Variants in ELAVL2 observed in about 807,000 individuals in gnomAD.
The protein encoded by ELAVL2 is ELAV like RNA binding protein 2, also known as ELAV-like protein 2.
In ELAVL2, 4 loss-of-function variants were observed where a neutral mutation model predicts 34.6. The observed-to-expected ratio is 0.12, with a 90% CI of 0.06 to 0.26. The LOEUF (loss-of-function observed/expected upper bound fraction) is 0.26, where lower values mean the gene tolerates loss of function less well. Ranked by LOEUF, ELAVL2 falls within the 10% of genes least tolerant of loss-of-function variation. The probability of loss-of-function intolerance (pLI) is 1.00; values close to 1 mark genes in which losing one functional copy is unlikely to be tolerated. For missense variants in ELAVL2, 432 were observed against 442.8 expected (o/e 0.98, Z 0.22); for synonymous variants, 193 against 154.8 (o/e 1.25, Z -1.83).
At chr9:23,817,946 C>T (rs947479032) in intron 1 of ELAVL2, among the ~76,000 whole-genome samples, 26 of 152,204 alleles carry the variant, frequency 1.7e-4, no homozygotes, top group African/African-American at 6.3e-4. Context: ...TCTGTTTCCA[C>T]TTGGCAAATT....
At chr9:23,730,809 GCT>G (rs1192544115) in intron 3 of ELAVL2, among the ~76,000 whole-genome samples, 4 of 152,032 alleles carry the variant, frequency 2.6e-5, no homozygotes, top group Non-Finnish European at 5.9e-5. Context: ...GAGAGTTGTT[GCT>G]CTGTCCCCCT....
chr9:23,701,520 G>A lies in ELAVL2; in HGVS notation c.572C>T (p.Pro191Leu), dbSNP rs954003811. The A allele has an allele frequency of 9.9e-6, 16 of 1,613,984 alleles. 1 individual carries two copies. The highest frequency in any genetic ancestry group is 6.6e-5 in the South Asian group (6 of 91,096). The part of the protein sequence containing the change: ...EAIKGLNGQK[P>L]PGATEPITVK... ...AGTGATTGGCTCCGTGGCACCGGGA[G>A]GTTTCTGGCCATTTAGGCCTTTGAT... The change falls in exon 5 of 7, where the codon CCT becomes CTT. Residue 191 changes from proline to leucine, a missense_variant. This residue lies in a region of ELAVL2 where 295 missense variants were observed against 306.1 expected (regional missense o/e 0.96). Coordinates refer to ENST00000397312, the MANE Select transcript of ELAVL2 (RefSeq NM_004432.5).
At chr9:23,767,226 TA>T (rs1320761459) in intron 1 of ELAVL2, among the ~76,000 whole-genome samples, 6 of 152,320 alleles carry the variant, frequency 3.9e-5, no homozygotes, top group Non-Finnish European at 5.9e-5. Context: ...ACTTTTTATT[TA>T]AATAATCCTT....
At chr9:23,700,837 A>T (rs1661438495) in intron 5 of ELAVL2, among the ~76,000 whole-genome samples, 1 of 152,118 alleles carries the variant, frequency 6.6e-6, no homozygotes, top group Non-Finnish European at 1.5e-5. Context: ...AGTAACAGAA[A>T]CAGCTTGACC....
intron 1 of ELAVL2, among the ~76,000 whole-genome samples, chr9:23,809,875 A>C (rs193132317): frequency 6.6e-6 from 1 of 152,292 alleles, no homozygotes; most frequent in East Asian, 1.9e-4. Flanking sequence ...AATACTGAAA[A>C]CTTACTGGAG....
At chr9:23,743,293 T>C (rs2049717181) in intron 2 of ELAVL2, among the ~76,000 whole-genome samples, 1 of 152,186 alleles carries the variant, frequency 6.6e-6, no homozygotes, top group Non-Finnish European at 1.5e-5. Flanking sequence ...ATGGTGCAGC[T>C]CCTACGATTG....
intron 2 of ELAVL2, among the ~76,000 whole-genome samples, chr9:23,754,200 A>G (rs559854921): frequency 1.3e-5 from 2 of 152,296 alleles, no homozygotes; most frequent in Admixed American, 6.5e-5. Context: ...TATCAATATC[A>G]GGAAATCAGA....
chr9:23,794,985 T>C (rs2060739914), intron 1 of ELAVL2, among the ~76,000 whole-genome samples: 2 of 152,206 alleles, frequency 1.3e-5, no homozygotes, highest in Non-Finnish European at 2.9e-5. Flanking sequence ...TTTTATCTTA[T>C]GCACACCTAC....
At chr9:23,717,364 A>G (rs1298290655) in intron 3 of ELAVL2, among the ~76,000 whole-genome samples, 1 of 152,178 alleles carries the variant, frequency 6.6e-6, no homozygotes, top group African/African-American at 2.4e-5. Flanking sequence ...TCCACCCAAA[A>G]TTCATTCCTA....
chr9:23,781,601 G>A (rs552578291), intron 1 of ELAVL2, among the ~76,000 whole-genome samples: 3 of 149,226 alleles, frequency 2.0e-5, no homozygotes, highest in Non-Finnish European at 4.4e-5. Context: ...GCTCACTGCA[G>A]CCTCCTGGGC....
chr9:23,739,536 A>G, intron 2 of ELAVL2, among the ~76,000 whole-genome samples: 1 of 149,446 alleles, frequency 6.7e-6, no homozygotes. Context: ...CAGATCCGCC[A>G]CCGCCCCTAC....
chr9:23,728,880 T>C (rs1391653897), intron 3 of ELAVL2, among the ~76,000 whole-genome samples: 1 of 152,118 alleles, frequency 6.6e-6, no homozygotes, highest in Non-Finnish European at 1.5e-5. Flanking sequence ...CTGATATTTT[T>C]ACAGGAACCA....
chr9:23,814,539 C>T (rs1323431053), intron 1 of ELAVL2, among the ~76,000 whole-genome samples: 5 of 152,054 alleles, frequency 3.3e-5, no homozygotes, highest in African/African-American at 9.7e-5. Context: ...GGGAAAAGTC[C>T]ATGGGTCATT....
chr9:23,817,240 GTTTA>G (rs2138368760), intron 1 of ELAVL2, among the ~76,000 whole-genome samples: 1 of 148,586 alleles, frequency 6.7e-6, no homozygotes, highest in African/African-American at 2.4e-5. Flanking sequence ...GAAACTGCAA[GTTTA>G]TTTAAAAAAA....
At chr9:23,780,866 A>C (rs2058964921) in intron 1 of ELAVL2, among the ~76,000 whole-genome samples, 1 of 152,254 alleles carries the variant, frequency 6.6e-6, no homozygotes, top group Non-Finnish European at 1.5e-5. Flanking sequence ...AGCAAATTTA[A>C]GCTTTCACAT....
At chr9:23,817,472 G>A (rs762824557) in intron 1 of ELAVL2, among the ~76,000 whole-genome samples, 4 of 152,070 alleles carry the variant, frequency 2.6e-5, no homozygotes, top group Admixed American at 6.6e-5. Context: ...TTCAGTTCAC[G>A]CATTGAGAGC....
intron 1 of ELAVL2, among the ~76,000 whole-genome samples, chr9:23,818,103 G>A (rs914564651): frequency 6.6e-6 from 1 of 152,144 alleles, no homozygotes. Flanking sequence ...TGGGCTCTGT[G>A]CGTAACCAGA....
At chr9:23,825,625 A>C (rs929964992) in intron 1 of ELAVL2, among the ~76,000 whole-genome samples, 181 bp downstream of exon 1, 2 of 152,222 alleles carry the variant, frequency 1.3e-5, no homozygotes, top group Non-Finnish European at 2.9e-5. Context: ...CAGTACGCTA[A>C]GCATGCGTCC....
intron 4 of ELAVL2, among the ~76,000 whole-genome samples, chr9:23,704,637 G>A (rs1039561337): frequency 6.6e-6 from 1 of 152,084 alleles, no homozygotes; most frequent in Non-Finnish European, 1.5e-5. Flanking sequence ...ACAGTGGCTT[G>A]GAAATGAAGA....
Sources: allele counts gnomAD v4.1 joint callset (sites outside exome capture counted in the v4.1 genomes callset), GRCh38; gene constraint gnomAD v4.1.1; regional missense constraint gnomAD v4.1.1; transcripts MANE v1.5; gene names NCBI Gene and HGNC (gene_info 2026-07-23, HGNC 2026-07-21).